Variants in ITGA11 observed in about 807,000 individuals in gnomAD.
The protein encoded by ITGA11 is integrin subunit alpha 11.
ITGA11 carries 97 observed loss-of-function variants against 141.9 expected under a neutral mutation model. The observed-to-expected ratio is 0.68, with a 90% CI of 0.58 to 0.81. ITGA11 has a LOEUF of 0.81. ITGA11 is among the 30% of genes least tolerant of loss of function. The pLI is 0.00. For synonymous variants in ITGA11, 658 were observed against 624.6 expected (o/e 1.05, Z -0.80); for missense variants, 1,387 against 1,559.2 (o/e 0.89, Z 1.86).
intron 24 of ITGA11, among the ~76,000 whole-genome samples, chr15:68,312,025 A>G (rs540244303): frequency 6.6e-6 from 1 of 152,346 alleles, no homozygotes; most frequent in South Asian, 2.1e-4. Flanking sequence ...TCTGAAGTCC[A>G]GTATCCAGCT....
chr15:68,327,602 G>C (rs1894020024), intron 16 of ITGA11, among the ~76,000 whole-genome samples: 1 of 152,222 alleles, frequency 6.6e-6, no homozygotes, highest in Non-Finnish European at 1.5e-5. Context: ...TCATGAGTAG[G>C]TGTCTGACTC....
chr15:68,351,417 C>T lies in ITGA11; in HGVS notation c.750-15G>A. The stretch of plus-strand genomic sequence containing the variant: ...AAGCCTCTGAGCTGGAAGCCAAGCA[C>T]AGGGGCAGGGTCATGAAAGGTAAGT... On this transcript the variant is annotated splice_polypyrimidine_tract_variant and intron_variant, in intron 7 of 29. Coordinates refer to ENST00000315757, the MANE Select transcript of ITGA11 (RefSeq NM_001004439.2). The T allele has an allele frequency of 6.2e-7, 1 of 1,613,082 alleles. No homozygotes were observed. Among genetic ancestry groups the T allele is most frequent in the Non-Finnish European group, 8.5e-7 (1 of 1,179,620 alleles).
rs1318605868 is a variant in ITGA11, at chr15:68,330,065, C to G, written c.1901+916G>C. ...CACGCGTGGTGAGGACAGGCTGGCTCGCTCGGCATCGGTGCTCTCTTCCGG... is the reference window on the plus strand; with the variant it reads ...CACGCGTGGTGAGGACAGGCTGGCTGGCTCGGCATCGGTGCTCTCTTCCGG... On this transcript the variant is annotated intron_variant, in intron 15 of 29. Transcript: ENST00000315757. 3.3e-5 allele frequency among the ~76,000 whole-genome samples: 5 copies of G among 152,240 alleles called. No homozygotes were observed. In the East Asian group the frequency reaches 7.7e-4, roughly 23 times the overall value.
intron 2 of ITGA11, among the ~76,000 whole-genome samples, chr15:68,400,273 G>A (rs2140407042): frequency 6.6e-6 from 1 of 151,846 alleles, no homozygotes; most frequent in South Asian, 2.1e-4. Flanking sequence ...ATTAACTTGG[G>A]ATGAATCATT....
chr15:68,383,520 T>C (rs1428995276), intron 2 of ITGA11, among the ~76,000 whole-genome samples: 1 of 152,236 alleles, frequency 6.6e-6, no homozygotes, highest in African/African-American at 2.4e-5. Flanking sequence ...GTTTTTCACA[T>C]TTTATAGCCT....
intron 2 of ITGA11, among the ~76,000 whole-genome samples, chr15:68,395,866 TATAATA>T (rs1025151200): frequency 4.0e-5 from 6 of 149,296 alleles, no homozygotes; most frequent in African/African-American, 1.2e-4. Context: ...GAACTTAAAG[TATAATA>T]ATAATAACAA....
In ITGA11 at chr15:68,325,941, C is replaced by G. The variant is rs1170996966; in HGVS notation, c.2212-700G>C. On this transcript the variant is annotated intron_variant, in intron 17 of 29. Transcript: ENST00000315757. The surrounding 1 kb of genome is among the most constrained non-coding windows in gnomAD (Gnocchi z 5.5). ...AGGGTGCTGGCGCCAGCCCCAGCCCCAGCCCCAGAGTTTCTGAGTCAGAAC... is the reference window on the plus strand; with the variant it reads ...AGGGTGCTGGCGCCAGCCCCAGCCCGAGCCCCAGAGTTTCTGAGTCAGAAC... 4.6e-5 allele frequency among the ~76,000 whole-genome samples: 7 copies of G among 152,264 alleles called. No individual in the cohort carries two copies. Among genetic ancestry groups the G allele is most frequent in the African/African-American group, 7.2e-5 (3 of 41,460 alleles).
Position 68,326,900 on chromosome 15 carries a change from T to C in ITGA11, c.2069-104A>G, listed in dbSNP as rs1217240383. ...CCCCAGGCTGGCCAGGGGAGAGCTG[T>C]TCCTTTCCTCTCACGAGCCCCAGTG... On this transcript the variant is annotated intron_variant, in intron 16 of 29. Coordinates refer to ENST00000315757, the MANE Select transcript of ITGA11 (RefSeq NM_001004439.2). This position sits in a 1 kb window ranked among gnomAD's most constrained non-coding sequence, Gnocchi z 6.8. 5.5e-6 allele frequency: 7 copies of C among 1,263,500 alleles called. No homozygotes were observed. The highest frequency in any genetic ancestry group is 7.5e-6 in the Non-Finnish European group (7 of 930,344). The allele number at this position is 1,263,500 out of a possible 1,614,324, so 78.3% of individuals were successfully genotyped here.
chr15:68,386,131 G>T (rs1298990777), intron 2 of ITGA11, among the ~76,000 whole-genome samples: 1 of 152,188 alleles, frequency 6.6e-6, no homozygotes, highest in Non-Finnish European at 1.5e-5. Context: ...TCTATAGAGA[G>T]GTCCCCAAGG....
chr15:68,357,330 T>C, intron 6 of ITGA11, 31 bp from the exon 7 acceptor site: 2 of 1,600,720 alleles, frequency 1.2e-6, no homozygotes, highest in South Asian at 2.3e-5. Context: ...CAACAGAACA[T>C]TTTGACCCCA....
chr15:68,346,043 T>G (rs939167506), intron 10 of ITGA11, among the ~76,000 whole-genome samples: 2 of 152,178 alleles, frequency 1.3e-5, no homozygotes, highest in African/African-American at 2.4e-5. Context: ...TAAAGTCAAA[T>G]TAGATGAAAA....
rs1894485709 is a variant in ITGA11 at position 68,339,424 on chromosome 15, G to C, written c.1276+76C>G. The C allele has an allele frequency of 2.0e-6, 3 of 1,498,404 alleles. No individual in the cohort carries two copies. The Admixed American group carries it at 5.9e-5, about 29-fold the overall frequency. The allele number at this position is 1,498,404 out of a possible 1,614,324, so 92.8% of individuals were successfully genotyped here. Reference sequence around the variant, plus strand: ...CACAGCAGGCCCCTCACTCGTGTGTGGGCTGGGGGTTGTGCAGCCCCTGGG... The same window carrying C: ...CACAGCAGGCCCCTCACTCGTGTGTCGGCTGGGGGTTGTGCAGCCCCTGGG... On this transcript the variant is annotated intron_variant, in intron 11 of 29. Transcript: ENST00000315757.
chr15:68,332,524 G>T (rs199890246), intron 12 of ITGA11, 46 bp from the exon 13 acceptor site: 1 of 1,597,368 alleles, frequency 6.3e-7, no homozygotes, highest in Non-Finnish European at 8.5e-7. Context: ...TGCCCAGCTC[G>T]CACAACCCAG....
At chr15:68,408,329 A>G (rs1409324124) in intron 1 of ITGA11, among the ~76,000 whole-genome samples, 3 of 152,036 alleles carry the variant, frequency 2.0e-5, no homozygotes, top group Non-Finnish European at 4.4e-5. Flanking sequence ...CTAATGGGTG[A>G]CTGGTGACCT....
At chr15:68,415,164 G>A (rs1012463915) in intron 1 of ITGA11, among the ~76,000 whole-genome samples, 5 of 152,202 alleles carry the variant, frequency 3.3e-5, no homozygotes, top group African/African-American at 4.8e-5. Flanking sequence ...TGAAGGAAGC[G>A]CTATGGAGTC....
In ITGA11 at chr15:68,306,027, A is replaced by AAG. The variant is rs1156477380; in HGVS notation, c.3381+1320_3381+1321insCT. On this transcript the variant is annotated intron_variant, in intron 28 of 29. Transcript: ENST00000315757. ...CAGTGAAACCCTGTCTCTACTAAAA[A>AAG]AAAAAAAAAAAAATTAGCCAGGCGT... is the stretch of plus-strand genomic sequence containing the variant. Among the ~76,000 whole-genome samples, 226 of 151,480 alleles carry AAG rather than the reference A, an allele frequency of 1.5e-3. 1 individual carries two copies. The highest frequency in any genetic ancestry group is 5.1e-3 in the African/African-American group (209 of 41,278).
Position 68,358,565 on chromosome 15 carries a change from T to C in ITGA11, c.493A>G (p.Ile165Val), listed in dbSNP as rs759033095. 5 of 1,613,696 alleles carry C rather than the reference T, an allele frequency of 3.1e-6. No homozygotes were observed. In the South Asian group the frequency reaches 3.3e-5, roughly 11 times the overall value. ...TTGGAGCCATCCAGGACAATGACGA[T>C]GTCCATGTAGGTCTGGCACCCTGGA... ...ALQRCQTYMD[I>V]VIVLDGSNSI... Residue 165 changes from isoleucine to valine, a missense_variant, in exon 6 of 30, where the codon ATC (isoleucine) becomes GTC (valine). Ile to Val is a conservative substitution (Grantham distance 29). Coordinates refer to ENST00000315757, the MANE Select transcript of ITGA11 (RefSeq NM_001004439.2).
intron 10 of ITGA11, among the ~76,000 whole-genome samples, chr15:68,345,579 G>A (rs1894718343): frequency 6.6e-6 from 1 of 152,202 alleles, no homozygotes; most frequent in Non-Finnish European, 1.5e-5. Context: ...TGCCATCTGA[G>A]AACATTCTAC....
intron 25 of ITGA11, 100 bp downstream of exon 25, chr15:68,311,190 G>A (rs1893369925): frequency 7.9e-7 from 1 of 1,265,640 alleles, no homozygotes; most frequent in Non-Finnish European, 1.1e-6. Context: ...GTGGTCCTGG[G>A]AGAAGGGAGC....
Sources: gnomAD v4.1 joint callset for allele counts (sites outside exome capture counted in the v4.1 genomes callset) on GRCh38, gnomAD v4.1.1 for gene constraint, Gnocchi (gnomAD v3.1) non-coding constraint, MANE v1.5 for transcripts, NCBI Gene and HGNC (gene_info 2026-07-23, HGNC 2026-07-21) for gene names.